The following G6PC1 variants were observed in gnomAD, a reference collection of about 807,000 sequenced individuals.
The protein encoded by G6PC1 is G-6-Pase.
G6PC1 carries 23 observed loss-of-function variants against 30.4 expected under a neutral mutation model. The observed-to-expected ratio is 0.76, with a 90% CI of 0.55 to 1.07. The LOEUF is 1.07. Among genes scored for constraint, G6PC1 ranks in the 50% least tolerant of loss-of-function variants. G6PC1 has a pLI of 0.00. For synonymous variants in G6PC1, 163 were observed against 175.6 expected, an observed-to-expected ratio of 0.93 and a Z score of 0.57; for missense variants, 391 against 433.9, an observed-to-expected ratio of 0.90 and a Z score of 0.88.
intron 3 of G6PC1, 72 bp downstream of exon 3, chr17:42,907,700 T>C: frequency 9.4e-7 from 1 of 1,063,422 alleles, no homozygotes; most frequent in South Asian, 1.3e-5. Flanking sequence ...ACACACCACG[T>C]ATTCTTCCTC....
Position 42,914,052 on chromosome 17 carries a change from G to A in G6PC1, c.*2626G>A, listed in dbSNP as rs774929925. On this transcript the variant is annotated 3_prime_UTR_variant, in exon 5 of 5. Coordinates refer to ENST00000253801, the MANE Select transcript of G6PC1 (RefSeq NM_000151.4). Reference sequence around the variant, plus strand: ...TCTCAGAGGGCGTTGTGGGAACCAGGCCCCTCACAGAATCAAATGGTCCCA... The same window carrying A: ...TCTCAGAGGGCGTTGTGGGAACCAGACCCCTCACAGAATCAAATGGTCCCA... Among the ~76,000 whole-genome samples, 2 of 152,086 alleles carry A rather than the reference G, an allele frequency of 1.3e-5. No individual in the cohort carries two copies. The highest frequency in any genetic ancestry group is 1.9e-4 in the East Asian group (1 of 5,176).
chr17:42,900,833 CA>C lies in G6PC1; in HGVS notation c.-42del. 1 of 1,521,332 alleles carries C rather than the reference CA, an allele frequency of 6.6e-7. No individual in the cohort carries two copies. The highest frequency in any genetic ancestry group is 1.1e-5 in the South Asian group (1 of 88,464). 94.2% of individuals were successfully genotyped at this position (1,521,332 alleles called of 1,614,324 possible). On this transcript the variant is annotated 5_prime_UTR_variant, in exon 1 of 5. Transcript: ENST00000253801. ...ATCACCACCAAGCCTGGAATAACTGCAAGGGCTCTGCTGACATCTTCCTGAG... is the reference window on the plus strand; with the variant it reads ...ATCACCACCAAGCCTGGAATAACTGCAGGGCTCTGCTGACATCTTCCTGAG...
intron 1 of G6PC1, among the ~76,000 whole-genome samples, chr17:42,901,543 G>A (rs1192949654): frequency 6.6e-6 from 1 of 151,978 alleles, no homozygotes. Context: ...GGGCAACATG[G>A]CGAAACTCCA....
Position 42,907,555 on chromosome 17 carries a change from G to A in G6PC1, c.373G>A (p.Gly125Ser). Residue 125 changes from glycine to serine, a missense_variant, in exon 3 of 5, where the codon GGT becomes AGT. Physicochemically the swap from Gly to Ser is moderately conservative, Grantham distance 56. Coordinates refer to ENST00000253801, the MANE Select transcript of G6PC1 (RefSeq NM_000151.4). ...CTCTGGCCATGCCATGGGCACAGCAGGTGTATACTACGTGATGGTCACATC... is the reference window on the plus strand; with the variant it reads ...CTCTGGCCATGCCATGGGCACAGCAAGTGTATACTACGTGATGGTCACATC... ...SPSGHAMGTA[G>S]VYYVMVTSTL... 1 of 1,613,986 alleles carries A rather than the reference G, an allele frequency of 6.2e-7. No homozygotes were observed. The highest frequency in any genetic ancestry group is 8.5e-7 in the Non-Finnish European group (1 of 1,179,934).
rs373605105 is a variant in G6PC1 at position 42,911,363 on chromosome 17, C to T, written c.1011C>T (p.Ser337=). The T allele has an allele frequency of 1.3e-5, 21 of 1,614,076 alleles. No individual in the cohort carries two copies. Among genetic ancestry groups the T allele is most frequent in the East Asian group, 6.7e-5 (3 of 44,902 alleles). Residue 337 remains serine (S), a synonymous_variant, in exon 5 of 5, where the codon TCC becomes TCT. Transcript: ENST00000253801. ...FCKSAVVPLA[S]VSVIPYCLAQ... ...AGAGTGCGGTAGTGCCCCTGGCATC[C>T]GTCAGTGTCATCCCCTACTGCCTCG...
At chr17:42,902,677 A>C (rs1198959361) in intron 1 of G6PC1, among the ~76,000 whole-genome samples, 1 of 152,234 alleles carries the variant, frequency 6.6e-6, no homozygotes, top group Non-Finnish European at 1.5e-5. Flanking sequence ...GTGAGAAATC[A>C]CTATTCCACC....
intron 4 of G6PC1, 71 bp from the exon 5 acceptor site, chr17:42,910,844 C>A: frequency 6.8e-7 from 1 of 1,468,518 alleles, no homozygotes. Flanking sequence ...GTCACCCACT[C>A]CTCCAAACCC....
chr17:42,908,756 T>A (rs997651017), intron 3 of G6PC1, among the ~76,000 whole-genome samples: 4 of 139,008 alleles, frequency 2.9e-5, no homozygotes, highest in Non-Finnish European at 6.1e-5. Context: ...CAGGCTAGAG[T>A]GCAGTGGCGC....
At position 42,911,390 on chromosome 17, in the gene G6PC1, C is replaced by T. The variant is rs756155679; in HGVS notation, c.1038C>T (p.Ala346=). ...ASVSVIPYCL[A]QVLGQPHKKS... ...TCAGTGTCATCCCCTACTGCCTCGC[C>T]CAGGTCCTGGGCCAGCCGCACAAGA... Residue 346 remains alanine (A), a synonymous_variant, in exon 5 of 5, where the codon GCC becomes GCT. Transcript: ENST00000253801. The T allele has an allele frequency of 6.2e-7, 1 of 1,614,082 alleles. No homozygotes were observed. The highest frequency in any genetic ancestry group is 1.7e-5 in the Admixed American group (1 of 60,008).
At position 42,904,052 on chromosome 17, in the gene G6PC1, AG is replaced by A. The variant is rs781668568; in HGVS notation, c.340+13del. 3.0e-5 allele frequency: 47 copies of A among 1,568,474 alleles called. No homozygotes were observed. The highest frequency in any genetic ancestry group is 3.5e-6 in the Non-Finnish European group (4 of 1,138,338). The stretch of plus-strand genomic sequence containing the variant: ...TGAGACTGGACCAGGTAAGCGTCCC[AG>A]CCCCTGCAGACAGAAGCTGAGTGGA... On this transcript the variant is annotated intron_variant, in intron 2 of 4. Coordinates refer to ENST00000253801, the MANE Select transcript of G6PC1 (RefSeq NM_000151.4).
At chr17:42,904,309 G>A in intron 2 of G6PC1, 3 of 441,610 alleles carry the variant, frequency 6.8e-6, no homozygotes, top group South Asian at 2.0e-5. Context: ...CTGCAGCGCT[G>A]TGTCCTGAGA....
At chr17:42,905,882 A>C (rs530866320) in intron 2 of G6PC1, among the ~76,000 whole-genome samples, 2 of 151,788 alleles carry the variant, frequency 1.3e-5, no homozygotes, top group South Asian at 4.2e-4. Context: ...GTCACTAATA[A>C]AAAAATACAA....
At chr17:42,908,153 T>G (rs756606616) in intron 3 of G6PC1, among the ~76,000 whole-genome samples, 1 of 151,962 alleles carries the variant, frequency 6.6e-6, no homozygotes, top group Admixed American at 6.6e-5. Context: ...ACCTCAGCCA[T>G]CTGAGTAGCT....
intron 2 of G6PC1, among the ~76,000 whole-genome samples, chr17:42,906,696 ACAAT>A (rs939512549): frequency 1.3e-5 from 2 of 152,100 alleles, no homozygotes; most frequent in South Asian, 2.1e-4. Context: ...CTGGGCAAAA[ACAAT>A]CAAACAAACA....
chr17:42,905,413 C>A (rs2056053313), intron 2 of G6PC1, among the ~76,000 whole-genome samples: 2 of 95,668 alleles, frequency 2.1e-5, no homozygotes, highest in African/African-American at 9.5e-5. Context: ...GAGACACCAT[C>A]TGAAAAAAAA....
chr17:42,911,314 T>G lies in G6PC1; in HGVS notation c.962T>G (p.Val321Gly). ...AAACCCCCATCCCAAGTCGAGCTGG[T>G]CTTCTACGTCTTGTCCTTCTGCAAG... is the stretch of plus-strand genomic sequence containing the variant. ...SLKPPSQVELVFYVLSFCKSA... is the reference protein window; with the variant it reads ...SLKPPSQVELGFYVLSFCKSA... Residue 321 changes from valine (V) to glycine (G), a missense_variant, in exon 5 of 5, where the codon GTC (valine) becomes GGC (glycine). Val to Gly is a moderately radical substitution (Grantham distance 109). Coordinates refer to ENST00000253801, the MANE Select transcript of G6PC1 (RefSeq NM_000151.4). 1 of 1,614,186 alleles carries G rather than the reference T, an allele frequency of 6.2e-7. No individual in the cohort carries two copies. The highest frequency in any genetic ancestry group is 8.5e-7 in the Non-Finnish European group (1 of 1,180,028).
intron 2 of G6PC1, 58 bp downstream of exon 2, chr17:42,904,098 A>T: frequency 8.6e-7 from 1 of 1,159,254 alleles, no homozygotes; most frequent in Non-Finnish European, 1.3e-6. Context: ...CCTGTTATGG[A>T]TGAAACTGAC....
Position 42,900,973 on chromosome 17 carries a change from G to T in G6PC1, c.97G>T (p.Val33Leu). The T allele has an allele frequency of 6.2e-7, 1 of 1,614,146 alleles. No homozygotes were observed. The highest frequency in any genetic ancestry group is 1.7e-5 in the Admixed American group (1 of 60,012). ...AGACTCCCAGGACTGGTTCATCTTG[G>T]TGTCCGTGATCGCAGACCTCAGGAA... Reference protein sequence around the residue: ...YQDSQDWFILVSVIADLRNAF... With the variant: ...YQDSQDWFILLSVIADLRNAF... The change falls in exon 1 of 5, where the codon GTG becomes TTG. Residue 33 changes from valine to leucine, a missense_variant. Transcript: ENST00000253801.
rs770010331 is a variant in G6PC1 at position 42,909,464 on chromosome 17, C to T, written c.562+46C>T. ...CTTCCTTCTCCCCCAAACCCCATTC[C>T]GTTTCTCTCCCTAATCAGGACAAAA... On this transcript the variant is annotated intron_variant, in intron 4 of 4. Coordinates refer to ENST00000253801, the MANE Select transcript of G6PC1 (RefSeq NM_000151.4). The T allele has an allele frequency of 1.1e-5, 15 of 1,381,718 alleles. No individual in the cohort carries two copies. The Admixed American group carries it at 1.8e-4, about 17-fold the overall frequency. 85.6% of individuals were successfully genotyped at this position (1,381,718 alleles called of 1,614,324 possible).
Sources: gnomAD v4.1 joint callset for allele counts (sites outside exome capture counted in the v4.1 genomes callset) on GRCh38, gnomAD v4.1.1 for gene constraint, MANE v1.5 for transcripts, NCBI Gene and HGNC (gene_info 2026-07-23, HGNC 2026-07-21) for gene names.